The following CABIN1 variants were observed in gnomAD, a reference collection of about 807,000 sequenced individuals.
CABIN1 encodes the protein calcineurin binding protein 1.
CABIN1 carries 133 observed loss-of-function variants against 227.7 expected under a neutral mutation model. The observed-to-expected ratio is 0.58, with a 90% CI of 0.51 to 0.67. The LOEUF is 0.67. Among genes scored for constraint, CABIN1 ranks in the 30% least tolerant of loss-of-function variants. The pLI is 0.00. For synonymous variants in CABIN1, 1,086 were observed against 1,155.1 expected, an observed-to-expected ratio of 0.94 and a Z score of 1.21; for missense variants, 2,408 against 2,852.5, an observed-to-expected ratio of 0.84 and a Z score of 3.55.
intron 7 of CABIN1, 81 bp from the exon 8 acceptor site, chr22:24,050,744 A>C: frequency 1.5e-5 from 22 of 1,499,076 alleles, no homozygotes; most frequent in Non-Finnish European, 2.0e-5. Context: ...GTATTAACCT[A>C]AATGCATTTT....
intron 19 of CABIN1, among the ~76,000 whole-genome samples, chr22:24,081,239 G>C (rs1349372044): frequency 1.3e-4 from 20 of 152,082 alleles, no homozygotes. Context: ...ACAGACAAGG[G>C]CAGGATTTGG....
Position 24,055,004 on chromosome 22 carries a change from C to A in CABIN1, c.938C>A (p.Ser313Tyr), listed in dbSNP as rs1053101920. ...YQDPSQPLES[S>Y]MVVTPVNVIQ... ...GACCCCAGCCAGCCTCTTGAGTCCTCCATGGTGGTGACGCCAGTTAACGTG... is the reference window on the plus strand; with the variant it reads ...GACCCCAGCCAGCCTCTTGAGTCCTACATGGTGGTGACGCCAGTTAACGTG... The change falls in exon 9 of 37, where the codon TCC (serine) becomes TAC (tyrosine). Residue 313 changes from serine (S) to tyrosine (Y), a missense_variant. Ser to Tyr is a moderately radical substitution (Grantham distance 144, BLOSUM62 -2). Around this residue, in one of 3 missense-constraint regions of CABIN1, gnomAD observed 1,045 missense variants for 1,168.4 expected, o/e 0.89. Transcript: ENST00000263119. The A allele has an allele frequency of 6.2e-7, 1 of 1,614,116 alleles. No homozygotes were observed. The highest frequency in any genetic ancestry group is 8.5e-7 in the Non-Finnish European group (1 of 1,180,056).
intron 20 of CABIN1, among the ~76,000 whole-genome samples, chr22:24,084,052 A>G (rs1216044316): frequency 1.3e-5 from 2 of 152,036 alleles, no homozygotes; most frequent in Non-Finnish European, 2.9e-5. Context: ...GCTCTCCTTC[A>G]ATATTTTGTC....
intron 29 of CABIN1, among the ~76,000 whole-genome samples, chr22:24,150,828 G>A (rs754477429): frequency 2.6e-5 from 4 of 152,130 alleles, no homozygotes; most frequent in Non-Finnish European, 5.9e-5. Flanking sequence ...GAGCTGGTCC[G>A]AACCAGTGAC....
chr22:24,044,016 A>G (rs2147149746), intron 6 of CABIN1, among the ~76,000 whole-genome samples: 1 of 152,342 alleles, frequency 6.6e-6, no homozygotes, highest in Non-Finnish European at 1.5e-5. Context: ...AGGCTCAGGA[A>G]TAATTCTCTT....
At chr22:24,146,619 G>C (rs1232485701) in intron 29 of CABIN1, among the ~76,000 whole-genome samples, 1 of 152,200 alleles carries the variant, frequency 6.6e-6, no homozygotes, top group Non-Finnish European at 1.5e-5. Flanking sequence ...CCCCTGCCCT[G>C]ACAGGACCAC....
At chr22:24,083,778 C>G (rs924606620) in intron 20 of CABIN1, among the ~76,000 whole-genome samples, 1 of 152,162 alleles carries the variant, frequency 6.6e-6, no homozygotes, top group African/African-American at 2.4e-5. Flanking sequence ...AAACAAACAA[C>G]AAACAAAACT....
chr22:24,136,347 C>CTTTTTTTT (rs71184947), intron 29 of CABIN1, among the ~76,000 whole-genome samples: 1 of 113,226 alleles, frequency 8.8e-6, no homozygotes, highest in Non-Finnish European at 1.8e-5. Flanking sequence ...GCCATCCCTC[C>CTTTTTTTT]TTTTTTTTTT....
rs2041631642 is a variant in CABIN1, at chr22:24,092,737, T to C, written c.3786+894T>C. On this transcript the variant is annotated intron_variant, in intron 24 of 36. Coordinates refer to ENST00000263119, the MANE Select transcript of CABIN1 (RefSeq NM_012295.4). ...GTGTGTGTGTGTGTTTTAAAGAGAT[T>C]CAAACAACTCAGAAGTGTACAGTGT... Among the ~76,000 whole-genome samples the C allele has an allele frequency of 2.8e-5, 4 of 144,888 alleles. No homozygotes were observed. In the Admixed American group the frequency reaches 2.8e-4, roughly 10 times the overall value.
At chr22:24,040,350 T>C (rs1354938027) in intron 4 of CABIN1, among the ~76,000 whole-genome samples, 1 of 152,214 alleles carries the variant, frequency 6.6e-6, no homozygotes, top group Non-Finnish European at 1.5e-5. Context: ...GAGGGTGGCA[T>C]GTCTTCAGAT....
intron 29 of CABIN1, among the ~76,000 whole-genome samples, chr22:24,160,708 C>A (rs1335561683): frequency 2.6e-5 from 4 of 152,254 alleles, no homozygotes; most frequent in African/African-American, 9.6e-5. Flanking sequence ...TGGGCCTGGG[C>A]ATGGCCTTGG....
At position 24,083,279 on chromosome 22, in the gene CABIN1, C is replaced by G. The variant is rs997077184; in HGVS notation, c.2800C>G (p.Pro934Ala). 3 of 1,613,228 alleles carry G rather than the reference C, an allele frequency of 1.9e-6. No individual in the cohort carries two copies. The African/African-American group carries it at 4.0e-5, about 22-fold the overall frequency. ...LAASTSEDTH[P>A]YKEELETALE... ...TGCATCCACCTCTGAAGACACGCAC[C>G]CTTACAAGGAGGAGCTGGAGACAGC... The change falls in exon 20 of 37, where the codon CCT becomes GCT. Residue 934 changes from proline (P) to alanine (A), a missense_variant. Coordinates refer to ENST00000263119, the MANE Select transcript of CABIN1 (RefSeq NM_012295.4).
At chr22:24,131,555 A>G (rs565206186) in intron 28 of CABIN1, among the ~76,000 whole-genome samples, 151 of 152,272 alleles carry the variant, frequency 9.9e-4, no homozygotes, top group African/African-American at 3.4e-3. Context: ...GGGCAGCCAC[A>G]TCTGATCCCC....
chr22:24,040,003 G>T (rs2037240916), intron 4 of CABIN1, among the ~76,000 whole-genome samples: 2 of 152,230 alleles, frequency 1.3e-5, no homozygotes, highest in African/African-American at 4.8e-5. Flanking sequence ...ATGGAGAGTG[G>T]TGCTGAATGT....
At chr22:24,099,696 G>T (rs1018270440) in intron 26 of CABIN1, among the ~76,000 whole-genome samples, 3 of 152,228 alleles carry the variant, frequency 2.0e-5, no homozygotes, top group Non-Finnish European at 2.9e-5. Flanking sequence ...TTTGCCAGCT[G>T]CTTCCTGGGA....
Position 24,177,630 on chromosome 22 carries a change from C to A in CABIN1, c.6332C>A (p.Pro2111Gln), listed in dbSNP as rs745619523. 2.2e-5 allele frequency: 36 copies of A among 1,613,544 alleles called. No homozygotes were observed. The South Asian group carries it at 4.0e-4, about 18-fold the overall frequency. ...SKAPSSGSAQ[P>Q]PEGHPGKPEP... is the part of the protein sequence containing the mutation. ...GCCCCCAGCAGTGGGAGTGCCCAGC[C>A]ACCAGAGGGTCACCCAGGCAAGCCT... The change falls in exon 36 of 37, where the codon CCA becomes CAA. Residue 2111 changes from proline to glutamine, a missense_variant. Around this residue, in one of 3 missense-constraint regions of CABIN1, gnomAD observed 714 missense variants for 773.8 expected, o/e 0.92. Coordinates refer to ENST00000263119, the MANE Select transcript of CABIN1 (RefSeq NM_012295.4). This position sits in a 1 kb window ranked among gnomAD's most constrained non-coding sequence, Gnocchi z 4.4.
chr22:24,067,936 G>A (rs1366133546), intron 16 of CABIN1, among the ~76,000 whole-genome samples: 1 of 152,000 alleles, frequency 6.6e-6, no homozygotes, highest in Non-Finnish European at 1.5e-5. Flanking sequence ...AAGATAATAC[G>A]CAAAATATGC....
chr22:24,167,433 C>T (rs2046519244), intron 32 of CABIN1, 120 bp downstream of exon 32: 1 of 811,372 alleles, frequency 1.2e-6, no homozygotes, highest in Non-Finnish European at 2.0e-6. Flanking sequence ...GGTGTTGTTC[C>T]CACACCATCC....
At chr22:24,135,311 A>G (rs1424895282) in intron 29 of CABIN1, among the ~76,000 whole-genome samples, 94 of 142,004 alleles carry the variant, frequency 6.6e-4, no homozygotes, top group Middle Eastern at 4.5e-3. Context: ...AATTGCTTGA[A>G]CCCAGGAGGT....
Sources: allele counts gnomAD v4.1 joint callset (sites outside exome capture counted in the v4.1 genomes callset), GRCh38; gene constraint gnomAD v4.1.1; regional missense constraint gnomAD v4.1.1; non-coding constraint Gnocchi (gnomAD v3.1); transcripts MANE v1.5; gene names NCBI Gene and HGNC (gene_info 2026-07-23, HGNC 2026-07-21).